REEP1: variants seen among roughly 807,000 people sequenced by gnomAD.
REEP1 encodes the protein receptor accessory protein 1, also known as receptor expression-enhancing protein 1.
Under a neutral mutation model 40.3 loss-of-function variants are expected in REEP1, and 22 were observed. That is an observed-to-expected ratio of 0.55 (90% CI 0.39 to 0.78). The LOEUF is 0.78. Ranked by LOEUF, REEP1 falls within the 30% of genes least tolerant of loss-of-function variation. REEP1 has a pLI of 0.00. For missense variants in REEP1, 280 were observed against 361.1 expected, an observed-to-expected ratio of 0.78 and a Z score of 1.82; for synonymous variants, 116 against 139.2, an observed-to-expected ratio of 0.83 and a Z score of 1.17.
chr2:86,305,437 T>A (rs1679439199), intron 1 of REEP1, among the ~76,000 whole-genome samples: 1 of 152,246 alleles, frequency 6.6e-6, no homozygotes, highest in South Asian at 2.1e-4. Flanking sequence ...GCTGCTCTCC[T>A]GTCTCTAACA....
chr2:86,301,961 C>G (rs4832274), intron 1 of REEP1, among the ~76,000 whole-genome samples: 55,052 of 152,136 alleles, frequency 0.36, 11,902 homozygotes, highest in East Asian at 0.58. Context: ...GACCTCCCCC[C>G]ACCATGACAG....
chr2:86,280,593 C>A (rs1678027709), intron 2 of REEP1, among the ~76,000 whole-genome samples: 1 of 152,180 alleles, frequency 6.6e-6, no homozygotes, highest in Admixed American at 6.5e-5. Flanking sequence ...TTGCCCTGTG[C>A]CAAGTCAATT....
At chr2:86,242,509 TGGAGGAGATGGCATTAACC>T (rs1675719225) in intron 5 of REEP1, among the ~76,000 whole-genome samples, 3 of 66,048 alleles carry the variant, frequency 4.5e-5, no homozygotes, top group Middle Eastern at 0.01. Flanking sequence ...GGCATTAACC[TGGAGGAGATGGCATTAACC>T]TGGAAGAGTG....
intron 6 of REEP1, among the ~76,000 whole-genome samples, chr2:86,230,145 A>T (rs933196283): frequency 6.6e-6 from 1 of 152,182 alleles, no homozygotes; most frequent in Non-Finnish European, 1.5e-5. Flanking sequence ...GGGGCATGGC[A>T]GGGGACGTCA....
At chr2:86,301,077 G>A (rs1310735142) in intron 1 of REEP1, among the ~76,000 whole-genome samples, 3 of 152,194 alleles carry the variant, frequency 2.0e-5, no homozygotes, top group Non-Finnish European at 2.9e-5. Context: ...GTATGTTTGC[G>A]TAAAAAGTCA....
At chr2:86,275,220 G>A (rs1677693456) in intron 2 of REEP1, among the ~76,000 whole-genome samples, 1 of 150,690 alleles carries the variant, frequency 6.6e-6, no homozygotes, top group South Asian at 2.1e-4. Flanking sequence ...AGTCAGGGGT[G>A]ACCCTAGGAG....
chr2:86,288,007 T>A (rs867085507), intron 1 of REEP1, among the ~76,000 whole-genome samples: 35 of 152,266 alleles, frequency 2.3e-4, no homozygotes, highest in South Asian at 6.2e-4. Context: ...GATCATTTTT[T>A]AAAATTATTT....
At chr2:86,242,728 G>C (rs762248171) in intron 5 of REEP1, among the ~76,000 whole-genome samples, 12 of 152,208 alleles carry the variant, frequency 7.9e-5, no homozygotes, top group Non-Finnish European at 1.3e-4. Flanking sequence ...TGAAAGGCTA[G>C]GATCAGGGTC....
intron 5 of REEP1, among the ~76,000 whole-genome samples, chr2:86,244,158 G>T (rs1675810256): frequency 6.6e-6 from 1 of 152,162 alleles, no homozygotes; most frequent in African/African-American, 2.4e-5. Flanking sequence ...ACTCCAGTCA[G>T]GTCAGAAACC....
chr2:86,337,544 G>A lies in REEP1; in HGVS notation c.-34C>T, dbSNP rs776902540. 31 of 1,236,402 alleles carry A rather than the reference G, an allele frequency of 2.5e-5. No homozygotes were observed. In the African/African-American group the frequency reaches 4.6e-4, roughly 18 times the overall value. 76.6% of individuals were successfully genotyped at this position (1,236,402 alleles called of 1,614,324 possible). A position where few individuals can be genotyped will look rare whatever the true frequency, so the allele number is the denominator to read the frequency against. On this transcript the variant is annotated 5_prime_UTR_variant, in exon 1 of 9. Coordinates refer to ENST00000538924, the MANE Select transcript of REEP1 (RefSeq NM_001371279.1). The surrounding 1 kb of genome is among the most constrained non-coding windows in gnomAD (Gnocchi z 5.8). ...GGCGGGCGGGCGAGGCCCGGGCGGC[G>A]CGGCTCGGCTAGGCTGCGGGCGGCG...
intron 1 of REEP1, among the ~76,000 whole-genome samples, chr2:86,287,502 C>T (rs959180939): frequency 3.9e-5 from 6 of 152,188 alleles, no homozygotes; most frequent in Admixed American, 2.0e-4. Flanking sequence ...TTAAAATTTA[C>T]ACTATGTTTT....
At chr2:86,242,427 A>G (rs895052902) in intron 5 of REEP1, among the ~76,000 whole-genome samples, 25 of 152,178 alleles carry the variant, frequency 1.6e-4, no homozygotes, top group African/African-American at 6.0e-4. Context: ...ATACATGATG[A>G]CATTAGTGCA....
At chr2:86,337,751 G>C, upstream of REEP1, 1 of 839,008 alleles carries the variant, frequency 1.2e-6, no homozygotes, top group Non-Finnish European at 1.5e-6. This position sits in a 1 kb window ranked among gnomAD's most constrained non-coding sequence, Gnocchi z 5.8. Context: ...CGGTGAGCTG[G>C]TCAGGGCACC....
At chr2:86,247,620 C>T (rs1396870936) in intron 5 of REEP1, among the ~76,000 whole-genome samples, 3 of 152,016 alleles carry the variant, frequency 2.0e-5, no homozygotes, top group Non-Finnish European at 2.9e-5. Context: ...CTCACTCTGC[C>T]GCCCAGGCTG....
chr2:86,228,229 G>A (rs1432881381), intron 6 of REEP1, among the ~76,000 whole-genome samples: 1 of 152,204 alleles, frequency 6.6e-6, no homozygotes, highest in Non-Finnish European at 1.5e-5. Flanking sequence ...TGCCAGGCAT[G>A]TGGTGAGTAT....
intron 2 of REEP1, chr2:86,280,206 G>A (rs977537306): frequency 2.8e-6 from 1 of 360,076 alleles, no homozygotes; most frequent in African/African-American, 2.1e-5. Context: ...GTTCCCTCCT[G>A]ATACTACTCG....
chr2:86,272,360 C>T (rs1039400605), intron 2 of REEP1, among the ~76,000 whole-genome samples: 1 of 152,242 alleles, frequency 6.6e-6, no homozygotes, highest in Non-Finnish European at 1.5e-5. Context: ...CAAAATTGCT[C>T]TCACTGGGGC....
Position 86,216,825 on chromosome 2 carries a change from C to G in REEP1, c.*214G>C. Reference sequence around the variant, plus strand: ...GACTTAAAGGTCACCACCCCCGCCCCTACTACCTTTCCCTTTAGCCTCTCC... The same window carrying G: ...GACTTAAAGGTCACCACCCCCGCCCGTACTACCTTTCCCTTTAGCCTCTCC... On this transcript the variant is annotated 3_prime_UTR_variant, in exon 9 of 9. Transcript: ENST00000538924. The G allele has an allele frequency of 1.8e-6, 1 of 553,510 alleles. No homozygotes were observed. Among genetic ancestry groups the G allele is most frequent in the Non-Finnish European group, 3.2e-6 (1 of 308,406 alleles). The allele number at this position is 553,510 out of a possible 1,614,324, so 34.3% of individuals were successfully genotyped here.
rs538391174 is a variant in REEP1, at chr2:86,269,841, T to TA, written c.106-5801dup. ...TGATAAAGCACTTATATTTAAAATA[T>TA]AAAAAAAAAACTCTTAAAACTCAAC... On this transcript the variant is annotated intron_variant, in intron 2 of 8. Coordinates refer to ENST00000538924, the MANE Select transcript of REEP1 (RefSeq NM_001371279.1). Among the ~76,000 whole-genome samples, 1,396 of 147,440 alleles carry TA rather than the reference T, an allele frequency of 9.5e-3. 24 individuals are homozygous for TA. Among genetic ancestry groups the TA allele is most frequent in the African/African-American group, 0.032 (1,293 of 40,296 alleles).
Sources: gnomAD v4.1 joint callset for allele counts (sites outside exome capture counted in the v4.1 genomes callset) on GRCh38, gnomAD v4.1.1 for gene constraint, Gnocchi (gnomAD v3.1) non-coding constraint, MANE v1.5 for transcripts, NCBI Gene and HGNC (gene_info 2026-07-23, HGNC 2026-07-21) for gene names.